Variants in CIDEA observed in about 807,000 individuals in gnomAD.
CIDEA encodes the protein lipid transferase CIDEA.
In CIDEA, 10 loss-of-function variants were observed where a neutral mutation model predicts 18.2. The observed-to-expected ratio is 0.55, with a 90% CI of 0.34 to 0.93. The LOEUF is 0.93. CIDEA is among the 40% of genes least tolerant of loss of function. The probability of loss-of-function intolerance (pLI) is 0.02; values close to 1 mark genes in which losing one functional copy is unlikely to be tolerated. For missense variants in CIDEA, 309 were observed against 293.1 expected (o/e 1.05, Z -0.40); for synonymous variants, 128 against 124.8 (o/e 1.03, Z -0.17).
intron 3 of CIDEA, among the ~76,000 whole-genome samples, chr18:12,266,254 T>C (rs1056553282): frequency 2.1e-4 from 32 of 150,960 alleles, no homozygotes; most frequent in Admixed American, 1.8e-3. Context: ...AATAAGAAAA[T>C]ACCAGCCTGA....
At chr18:12,272,916 C>A (rs1912591737) in intron 3 of CIDEA, among the ~76,000 whole-genome samples, 1 of 152,180 alleles carries the variant, frequency 6.6e-6, no homozygotes, top group Admixed American at 6.5e-5. Context: ...CTGTGCCTGG[C>A]CACAAAATGT....
chr18:12,276,486 G>C (rs1180931714), intron 4 of CIDEA, among the ~76,000 whole-genome samples: 1 of 152,150 alleles, frequency 6.6e-6, no homozygotes, highest in Non-Finnish European at 1.5e-5. Context: ...GACAAGTTCA[G>C]CCTTCTTGTT....
intron 3 of CIDEA, among the ~76,000 whole-genome samples, chr18:12,273,778 T>TG (rs1912617648): frequency 6.6e-6 from 1 of 152,028 alleles, no homozygotes; most frequent in Non-Finnish European, 1.5e-5. Flanking sequence ...GGCGAGTGGG[T>TG]CCCCACCACT....
At chr18:12,263,368 T>C (rs1301956191) in intron 2 of CIDEA, among the ~76,000 whole-genome samples, 2 of 152,092 alleles carry the variant, frequency 1.3e-5, no homozygotes, top group African/African-American at 4.8e-5. Context: ...TCATATGATA[T>C]GTGAATTATA....
chr18:12,256,933 C>T (rs532987500), intron 1 of CIDEA, among the ~76,000 whole-genome samples: 311 of 152,264 alleles, frequency 2.0e-3, no homozygotes, highest in African/African-American at 7.3e-3. Context: ...CTTGTCGGGG[C>T]GAGTTTATCT....
chr18:12,271,461 G>T (rs573061958), intron 3 of CIDEA, among the ~76,000 whole-genome samples: 37 of 151,762 alleles, frequency 2.4e-4, no homozygotes, highest in Non-Finnish European at 4.9e-4. Context: ...GCGGCCCTGC[G>T]CCCTGGCTTT....
At chr18:12,270,810 T>C (rs1598780697) in intron 3 of CIDEA, among the ~76,000 whole-genome samples, 1 of 151,578 alleles carries the variant, frequency 6.6e-6, no homozygotes, top group East Asian at 1.9e-4. Context: ...GGCTTTTTGC[T>C]TGAGGAAAGT....
At chr18:12,255,636 G>A (rs997558041) in intron 1 of CIDEA, among the ~76,000 whole-genome samples, 1 of 152,116 alleles carries the variant, frequency 6.6e-6, no homozygotes, top group Admixed American at 6.5e-5. Flanking sequence ...TTTGGAATGC[G>A]TCCTTCCAAC....
intron 3 of CIDEA, among the ~76,000 whole-genome samples, chr18:12,266,981 G>A (rs1411187212): frequency 1.3e-5 from 2 of 152,038 alleles, no homozygotes; most frequent in African/African-American, 2.4e-5. Context: ...GGCTGGTCTC[G>A]AACTCCTGAC....
At chr18:12,275,799 A>G (rs1401080107) in intron 4 of CIDEA, among the ~76,000 whole-genome samples, 2 of 151,920 alleles carry the variant, frequency 1.3e-5, no homozygotes, top group African/African-American at 4.8e-5. Context: ...TCACTGTCAT[A>G]GTGTTGGAGT....
At chr18:12,263,064 A>C in intron 2 of CIDEA, 95 bp downstream of exon 2, 1 of 1,325,718 alleles carries the variant, frequency 7.5e-7, no homozygotes, top group Non-Finnish European at 1.0e-6. Flanking sequence ...GCCAGCACAG[A>C]AAGATCAAGA....
chr18:12,264,026 C>T (rs1912272235), intron 2 of CIDEA, among the ~76,000 whole-genome samples: 1 of 152,138 alleles, frequency 6.6e-6, no homozygotes, highest in Admixed American at 6.5e-5. Flanking sequence ...TGCTTGAGCC[C>T]AGGAGTCTGA....
chr18:12,277,112 C>G lies in CIDEA; in HGVS notation c.513-11C>G. The G allele has an allele frequency of 6.2e-7, 1 of 1,613,672 alleles. No homozygotes were observed. The highest frequency in any genetic ancestry group is 8.5e-7 in the Non-Finnish European group (1 of 1,179,684). On this transcript the variant is annotated splice_polypyrimidine_tract_variant and intron_variant, in intron 4 of 4. Coordinates refer to ENST00000320477, the MANE Select transcript of CIDEA (RefSeq NM_001279.4). ...CCCAAGCTAAAGCCTCCCCATCTGC[C>G]TCTGCCACAGGAGTCTGCTGCGGTT...
chr18:12,277,468 A>G lies in CIDEA; in HGVS notation c.*198A>G. On this transcript the variant is annotated 3_prime_UTR_variant, in exon 5 of 5. Coordinates refer to ENST00000320477, the MANE Select transcript of CIDEA (RefSeq NM_001279.4). Reference sequence around the variant, plus strand: ...CAGTGGGCAGGGTGCCCTGGGGGGGAGGCATAGAGGGCCCTGGGGGTCATG... The same window carrying G: ...CAGTGGGCAGGGTGCCCTGGGGGGGGGGCATAGAGGGCCCTGGGGGTCATG... 2 of 585,512 alleles carry G rather than the reference A, an allele frequency of 3.4e-6. No individual in the cohort carries two copies. The highest frequency in any genetic ancestry group is 5.8e-6 in the Non-Finnish European group (2 of 342,016). 36.3% of individuals were successfully genotyped at this position (585,512 alleles called of 1,614,324 possible).
intron 3 of CIDEA, among the ~76,000 whole-genome samples, chr18:12,272,468 C>T (rs2144085210): frequency 6.6e-6 from 1 of 152,264 alleles, no homozygotes; most frequent in Non-Finnish European, 1.5e-5. Flanking sequence ...TCGTCTCGGC[C>T]TCCCAAAATG....
At chr18:12,259,863 AAAAC>A (rs752147234) in intron 1 of CIDEA, among the ~76,000 whole-genome samples, 1 of 152,140 alleles carries the variant, frequency 6.6e-6, no homozygotes, top group African/African-American at 2.4e-5. Flanking sequence ...TCTGTCTCCA[AAAAC>A]AAACAAACAA....
At position 12,268,147 on chromosome 18, in the gene CIDEA, C is replaced by T. The variant is rs75685303; in HGVS notation, c.330+3694C>T. On this transcript the variant is annotated intron_variant, in intron 3 of 4. Coordinates refer to ENST00000320477, the MANE Select transcript of CIDEA (RefSeq NM_001279.4). ...TGGCGCGATCTCGGCTCACTGCAAC[C>T]TATGCCTCCTGGCTTCAAGGGATCC... Among the ~76,000 whole-genome samples the T allele has an allele frequency of 6.9e-3, 1,038 of 150,576 alleles. 7 individuals carry two copies. Among genetic ancestry groups the T allele is most frequent in the African/African-American group, 0.024 (998 of 41,042 alleles).
intron 1 of CIDEA, among the ~76,000 whole-genome samples, chr18:12,259,819 TCACTG>T (rs1049336420): frequency 1.1e-4 from 16 of 152,232 alleles, no homozygotes; most frequent in Middle Eastern, 3.4e-3. Flanking sequence ...CCAGATGGCA[TCACTG>T]CACTCCAGCC....
chr18:12,270,029 C>G (rs1012737486), intron 3 of CIDEA, among the ~76,000 whole-genome samples: 1 of 152,162 alleles, frequency 6.6e-6, no homozygotes, highest in African/African-American at 2.4e-5. Context: ...TTAATAGGGC[C>G]TCAGGATTCC....
Sources: gnomAD v4.1 joint callset for allele counts (sites outside exome capture counted in the v4.1 genomes callset) on GRCh38, gnomAD v4.1.1 for gene constraint, MANE v1.5 for transcripts, NCBI Gene and HGNC (gene_info 2026-07-23, HGNC 2026-07-21) for gene names.